The following TNFRSF21 variants were observed in gnomAD, a reference collection of about 807,000 sequenced individuals.
TNFRSF21 encodes the protein TNF receptor superfamily member 21, also known as tumor necrosis factor receptor superfamily member 21.
In TNFRSF21, 19 loss-of-function variants were observed where a neutral mutation model predicts 45.6. The ratio of observed to expected loss-of-function variants is 0.42; its 90% confidence interval spans 0.29 to 0.61. TNFRSF21 has a LOEUF of 0.61. TNFRSF21 is among the 20% of genes least tolerant of loss of function. The pLI is 0.23. For missense variants in TNFRSF21, 737 were observed against 851.5 expected, an observed-to-expected ratio of 0.87 and a Z score of 1.67; for synonymous variants, 314 against 335.5, an observed-to-expected ratio of 0.94 and a Z score of 0.70.
At chr6:47,286,653 G>A (rs758316200) in intron 1 of TNFRSF21, 58 bp from the exon 2 acceptor site, 15 of 1,523,216 alleles carry the variant, frequency 9.8e-6, no homozygotes, top group South Asian at 2.6e-5. Context: ...TTACATAGGA[G>A]CAGAGCAGAA....
chr6:47,235,674 C>G (rs909999683), intron 4 of TNFRSF21, among the ~76,000 whole-genome samples: 1 of 152,142 alleles, frequency 6.6e-6, no homozygotes, highest in African/African-American at 2.4e-5. Context: ...TAAGGGCCAA[C>G]AAGGAAGTCA....
chr6:47,276,864 C>T (rs1483499937), intron 3 of TNFRSF21, among the ~76,000 whole-genome samples: 1 of 152,214 alleles, frequency 6.6e-6, no homozygotes, highest in Non-Finnish European at 1.5e-5. Flanking sequence ...TGAGAGAGCA[C>T]TGCCTACATG....
intron 1 of TNFRSF21, among the ~76,000 whole-genome samples, chr6:47,303,242 C>T (rs560807086): frequency 7.9e-5 from 12 of 152,266 alleles, no homozygotes; most frequent in East Asian, 1.9e-4. Context: ...TGACAGGAGA[C>T]GAACAAATAG....
At position 47,234,789 on chromosome 6, in the gene TNFRSF21, GGCTCCACC is replaced by G. The variant is rs1328155510; in HGVS notation, c.1611_1618del (p.Val538PhefsTer13). 6.3e-7 allele frequency: 1 copy of G among 1,595,254 alleles called. No homozygotes were observed. The highest frequency in any genetic ancestry group is 1.1e-5 in the South Asian group (1 of 87,392). On this transcript the variant is annotated frameshift_variant, in exon 5 of 6. Transcript: ENST00000296861. LOFTEE classifies it high-confidence loss of function. ...GCCCTTGTTCTTGTCCTGTGGGGAA[GGCTCCACC>G]GTCAGGAGAGCGGAATTCTCAAGTT... is the stretch of plus-strand genomic sequence containing the variant.
At chr6:47,287,707 T>A (rs1325701708) in intron 1 of TNFRSF21, among the ~76,000 whole-genome samples, 1 of 152,158 alleles carries the variant, frequency 6.6e-6, no homozygotes, top group Non-Finnish European at 1.5e-5. Context: ...AAAGGACTCC[T>A]AGAAAATCAA....
chr6:47,309,691 G>A lies in TNFRSF21; in HGVS notation c.-180C>T, dbSNP rs1582370076. The A allele has an allele frequency of 1.1e-6, 1 of 922,996 alleles. No homozygotes were observed. Among genetic ancestry groups the A allele is most frequent in the Non-Finnish European group, 1.5e-6 (1 of 684,848 alleles). 57.2% of individuals were successfully genotyped at this position (922,996 alleles called of 1,614,324 possible). A position where few individuals can be genotyped will look rare whatever the true frequency, so the allele number is the denominator to read the frequency against. On this transcript the variant is annotated 5_prime_UTR_variant, in exon 1 of 6. Transcript: ENST00000296861. ...GGGAGGCGGCAAGGGAGGCTCTAGG[G>A]GCGCTCAGCACCTGCCCAGCGGCGC...
chr6:47,248,143 T>C (rs1764849301), intron 4 of TNFRSF21, among the ~76,000 whole-genome samples: 1 of 152,208 alleles, frequency 6.6e-6, no homozygotes. Flanking sequence ...AATTTCTTTT[T>C]CCACCCCTTT....
rs567824980 is a variant in TNFRSF21, at chr6:47,231,535, C to A, written c.*1230G>T. 2.6e-5 allele frequency: 4 copies of A among 152,698 alleles called. No individual in the cohort carries two copies. Among genetic ancestry groups the A allele is most frequent in the African/African-American group, 9.6e-5 (4 of 41,550 alleles). 9.5% of individuals were successfully genotyped at this position (152,698 alleles called of 1,614,324 possible). On this transcript the variant is annotated 3_prime_UTR_variant, in exon 6 of 6. Transcript: ENST00000296861. ...AAATATACTCGGACTACTTAAGTAACAAACACCTAATGTTTATTAATAAAT... is the reference window on the plus strand; with the variant it reads ...AAATATACTCGGACTACTTAAGTAAAAAACACCTAATGTTTATTAATAAAT...
At chr6:47,258,596 G>A (rs1370170453) in intron 3 of TNFRSF21, among the ~76,000 whole-genome samples, 1 of 151,782 alleles carries the variant, frequency 6.6e-6, no homozygotes, top group South Asian at 2.1e-4. Context: ...TGTTCACCAT[G>A]CCCGGCTAAT....
rs79519093 is a variant in TNFRSF21, at chr6:47,303,863, A to G, written c.96+5553T>C. On this transcript the variant is annotated intron_variant, in intron 1 of 5. Coordinates refer to ENST00000296861, the MANE Select transcript of TNFRSF21 (RefSeq NM_014452.5). The stretch of plus-strand genomic sequence containing the variant: ...ATTCATGATCTCGCCCCTATCCTAA[A>G]TAATCAAAGCTCAGCAGCTGTTGCT... Among the ~76,000 whole-genome samples the G allele has an allele frequency of 7.2e-4, 109 of 152,372 alleles. No homozygotes were observed. The East Asian group carries it at 0.019, about 26-fold the overall frequency.
intron 1 of TNFRSF21, among the ~76,000 whole-genome samples, chr6:47,303,550 A>G (rs1762901475): frequency 6.6e-6 from 1 of 152,176 alleles, no homozygotes; most frequent in Admixed American, 6.5e-5. Flanking sequence ...TGAGATCACT[A>G]CTGCTCACTG....
chr6:47,243,208 C>T (rs1176389759), intron 4 of TNFRSF21, among the ~76,000 whole-genome samples: 1 of 152,132 alleles, frequency 6.6e-6, no homozygotes, highest in African/African-American at 2.4e-5. Context: ...TTCCAAGTCT[C>T]GGCAACTCAG....
At chr6:47,235,500 C>A (rs1764654227) in intron 4 of TNFRSF21, among the ~76,000 whole-genome samples, 1 of 152,158 alleles carries the variant, frequency 6.6e-6, no homozygotes, top group African/African-American at 2.4e-5. Context: ...CAGAAGACAC[C>A]TTGGTCTTGG....
rs535888228 is a variant in TNFRSF21 at position 47,309,587 on chromosome 6, C to T, written c.-76G>A. ...ATCGGCGGCTGCTTCTGCCCAGCGCCGCATCCACCGCCGCCTCCCGGGCCG... is the reference window on the plus strand; with the variant it reads ...ATCGGCGGCTGCTTCTGCCCAGCGCTGCATCCACCGCCGCCTCCCGGGCCG... On this transcript the variant is annotated 5_prime_UTR_variant, in exon 1 of 6. Transcript: ENST00000296861. 1.7e-4 allele frequency: 229 copies of T among 1,370,518 alleles called. 2 individuals are homozygous for T. In the South Asian group the frequency reaches 3.4e-3, roughly 20 times the overall value. The allele number at this position is 1,370,518 out of a possible 1,614,324, so 84.9% of individuals were successfully genotyped here.
At chr6:47,305,407 T>C (rs1422518716) in intron 1 of TNFRSF21, among the ~76,000 whole-genome samples, 1 of 152,186 alleles carries the variant, frequency 6.6e-6, no homozygotes, top group East Asian at 1.9e-4. Context: ...TTATGCTCCC[T>C]TCCAGCTTTC....
At chr6:47,251,509 C>CT (rs1309660815) in intron 4 of TNFRSF21, among the ~76,000 whole-genome samples, 1 of 152,186 alleles carries the variant, frequency 6.6e-6, no homozygotes, top group East Asian at 1.9e-4. Context: ...ATGAATCACT[C>CT]TTTTTGACAT....
intron 1 of TNFRSF21, among the ~76,000 whole-genome samples, chr6:47,300,008 T>C (rs2113870120): frequency 6.6e-6 from 1 of 152,292 alleles, no homozygotes; most frequent in East Asian, 1.9e-4. Flanking sequence ...AAAAGAGCAA[T>C]TGGTTTATAC....
At chr6:47,294,129 T>C (rs1035323802) in intron 1 of TNFRSF21, among the ~76,000 whole-genome samples, 2 of 152,004 alleles carry the variant, frequency 1.3e-5, no homozygotes, top group Non-Finnish European at 2.9e-5. Flanking sequence ...TAAAGATGAG[T>C]GCACAGGTTT....
At chr6:47,294,077 A>AATTAGAACCAACAT in intron 1 of TNFRSF21, among the ~76,000 whole-genome samples, 1 of 152,346 alleles carries the variant, frequency 6.6e-6, no homozygotes, top group South Asian at 2.1e-4. Context: ...GACCATAAAT[A>AATTAGAACCAACAT]ATTAGAACCA....
Sources: gnomAD v4.1 joint callset for allele counts (sites outside exome capture counted in the v4.1 genomes callset) on GRCh38, gnomAD v4.1.1 for gene constraint, MANE v1.5 for transcripts, NCBI Gene and HGNC (gene_info 2026-07-23, HGNC 2026-07-21) for gene names.